Variants in R3HDM2 observed in about 807,000 individuals in gnomAD.
R3HDM2 encodes the protein R3H domain containing 2.
R3HDM2 carries 38 observed loss-of-function variants against 124.5 expected under a neutral mutation model. The ratio of observed to expected loss-of-function variants is 0.31; its 90% CI spans 0.24 to 0.40. The LOEUF is 0.40. R3HDM2 is among the 10% of genes least tolerant of loss of function. The pLI, the probability that R3HDM2 is intolerant of heterozygous loss-of-function variation, is 1.00. For missense variants in R3HDM2, 869 were observed against 1,236.9 expected (o/e 0.70, Z 4.46); for synonymous variants, 391 against 448.0 (o/e 0.87, Z 1.61).
At chr12:57,280,305 A>G (rs1370311135) in intron 14 of R3HDM2, 53 bp downstream of exon 14, 1 of 1,542,230 alleles carries the variant, frequency 6.5e-7, no homozygotes. Context: ...CGGTACATCT[A>G]AAGTTTGCTT....
At chr12:57,361,552 C>T (rs140194072) in intron 2 of R3HDM2, among the ~76,000 whole-genome samples, 4 of 151,824 alleles carry the variant, frequency 2.6e-5, no homozygotes, top group Non-Finnish European at 5.9e-5. Context: ...GGTATGGTGT[C>T]ATGCACCTGT....
intron 12 of R3HDM2, among the ~76,000 whole-genome samples, chr12:57,287,266 G>A (rs907305381): frequency 2.0e-5 from 3 of 152,198 alleles, no homozygotes; most frequent in Non-Finnish European, 4.4e-5. Context: ...AAAGCACTGT[G>A]CATTAATTCA....
intron 1 of R3HDM2, among the ~76,000 whole-genome samples, chr12:57,429,279 A>C (rs529548016): frequency 1.3e-5 from 2 of 152,260 alleles, no homozygotes; most frequent in East Asian, 3.9e-4. Context: ...GACAAATGGA[A>C]CTTCAACTCT....
At chr12:57,429,104 T>C (rs746897638) in intron 1 of R3HDM2, among the ~76,000 whole-genome samples, 1 of 152,166 alleles carries the variant, frequency 6.6e-6, no homozygotes, top group Non-Finnish European at 1.5e-5. Context: ...TGTGAAGCTC[T>C]GCCAAGAGCA....
intron 1 of R3HDM2, among the ~76,000 whole-genome samples, chr12:57,421,317 A>G (rs889703939): frequency 8.8e-5 from 13 of 148,350 alleles, no homozygotes; most frequent in African/African-American, 3.0e-4. Flanking sequence ...ACTCCCGGCT[A>G]ATTTTGTATT....
At chr12:57,395,365 G>A (rs915354318) in intron 2 of R3HDM2, among the ~76,000 whole-genome samples, 1 of 49,968 alleles carries the variant, frequency 2.0e-5, no homozygotes, top group Non-Finnish European at 5.3e-5. Flanking sequence ...CTAGCCGGGC[G>A]TGGTGGTGCA....
At chr12:57,429,082 A>T (rs1868898350) in intron 1 of R3HDM2, among the ~76,000 whole-genome samples, 1 of 152,098 alleles carries the variant, frequency 6.6e-6, no homozygotes, top group South Asian at 2.1e-4. Context: ...AAATTTTTTT[A>T]AAACTTTACA....
intron 12 of R3HDM2, 45 bp downstream of exon 12, chr12:57,288,964 G>A: frequency 6.5e-7 from 1 of 1,547,852 alleles, no homozygotes; most frequent in Non-Finnish European, 8.7e-7. Context: ...TAACCTCACT[G>A]GCAAAGCTCA....
Position 57,255,031 on chromosome 12 carries a change from G to T in R3HDM2, c.2715C>A (p.Ala905=). Residue 905 remains alanine (A), a synonymous_variant, in exon 24 of 24, where the codon GCC becomes GCA. Transcript: ENST00000402412. ...GCCACTGGATCTTGGCGCCAGACAT[G>T]GCGAGCTGCGTGAAGAGTTTGTCCG... ...TEADKLFTQL[A]MSGAKIQWLK... 6.2e-7 allele frequency: 1 copy of T among 1,613,592 alleles called. No homozygotes were observed. Among genetic ancestry groups the T allele is most frequent in the Non-Finnish European group, 8.5e-7 (1 of 1,179,924 alleles).
intron 2 of R3HDM2, among the ~76,000 whole-genome samples, chr12:57,391,716 T>A (rs1481409821): frequency 2.0e-5 from 3 of 152,280 alleles, no homozygotes; most frequent in Admixed American, 6.5e-5. Flanking sequence ...CATAGGATAT[T>A]CCTATACTCT....
chr12:57,400,785 TAAAAGGACCA>T (rs2067979431), intron 1 of R3HDM2, among the ~76,000 whole-genome samples: 1 of 151,970 alleles, frequency 6.6e-6, no homozygotes, highest in Admixed American at 6.6e-5. Flanking sequence ...ACAGAGCCCA[TAAAAGGACCA>T]GAGTGTTAAC....
intron 21 of R3HDM2, among the ~76,000 whole-genome samples, chr12:57,256,819 TC>T (rs2039150048): frequency 6.8e-6 from 1 of 147,718 alleles, no homozygotes; most frequent in African/African-American, 2.5e-5. Context: ...GTCTTTTATC[TC>T]TCTTTTTTTT....
At chr12:57,403,035 G>A (rs903696087) in intron 1 of R3HDM2, among the ~76,000 whole-genome samples, 6 of 152,036 alleles carry the variant, frequency 3.9e-5, no homozygotes, top group African/African-American at 7.2e-5. Context: ...GGAGAGAGGC[G>A]TAGGAAGTGA....
At chr12:57,389,544 C>T (rs1236162371) in intron 2 of R3HDM2, among the ~76,000 whole-genome samples, 1 of 152,208 alleles carries the variant, frequency 6.6e-6, no homozygotes, top group Non-Finnish European at 1.5e-5. Context: ...TTGGAATACA[C>T]AGATAAATCT....
chr12:57,386,546 T>TC (rs1045542681), intron 2 of R3HDM2, among the ~76,000 whole-genome samples: 17 of 152,090 alleles, frequency 1.1e-4, no homozygotes, highest in Admixed American at 9.2e-4. Flanking sequence ...TGCCTGAGCC[T>TC]CCCCCCGCTT....
intron 1 of R3HDM2, among the ~76,000 whole-genome samples, chr12:57,398,821 C>A (rs574669406): frequency 2.6e-5 from 4 of 152,142 alleles, no homozygotes; most frequent in Non-Finnish European, 5.9e-5. Flanking sequence ...AAAATTTACA[C>A]TTGGAAAATA....
intron 19 of R3HDM2, among the ~76,000 whole-genome samples, chr12:57,261,648 A>G (rs1213689677): frequency 1.3e-5 from 2 of 151,930 alleles, no homozygotes; most frequent in South Asian, 2.1e-4. Context: ...AGCTGAGAAC[A>G]CAGAGCACTA....
chr12:57,269,396 A>T lies in R3HDM2; in HGVS notation c.1641T>A (p.Tyr547Ter), dbSNP rs2043121782. 1 of 1,614,026 alleles carries T rather than the reference A, an allele frequency of 6.2e-7. No individual in the cohort carries two copies. Among genetic ancestry groups the T allele is most frequent in the Admixed American group, 1.7e-5 (1 of 59,988 alleles). The change falls in exon 16 of 24, where the codon TAT (tyrosine) becomes TAA (stop). Residue 547 changes from tyrosine to a stop codon, truncating the protein, a stop_gained. Transcript: ENST00000402412. LOFTEE classifies it high-confidence loss of function. ...AGGCCACCGGGTGAGAGAGAGGTCG[A>T]TATTGCTGGTTGGAGTTAGGATATT... ...PGQYPNSNQQ[Y>*]RPLSHPVAYS...
chr12:57,417,893 G>A (rs1185523287), intron 1 of R3HDM2, among the ~76,000 whole-genome samples: 1 of 152,102 alleles, frequency 6.6e-6, no homozygotes, highest in Admixed American at 6.6e-5. Flanking sequence ...ATGCTATCAG[G>A]CCAGGAGTGT....
Sources: gnomAD v4.1 joint callset for allele counts (sites outside exome capture counted in the v4.1 genomes callset) on GRCh38, gnomAD v4.1.1 for gene constraint, MANE v1.5 for transcripts, NCBI Gene and HGNC (gene_info 2026-07-23, HGNC 2026-07-21) for gene names.